GLYATL1B: variants seen among roughly 807,000 people sequenced by gnomAD.
The protein encoded by GLYATL1B is glycine-N-acyltransferase like 1B, also known as putative glycine N-acyltransferase-like protein 1B.
In GLYATL1B, 6 loss-of-function variants were observed where a neutral mutation model predicts 5.5. The observed-to-expected ratio is 1.09, with a 90% CI of 0.60 to 2.15. The LOEUF (loss-of-function observed/expected upper bound fraction) is 2.15. GLYATL1B is among the 30% of genes most tolerant of loss of function. The probability of loss-of-function intolerance (pLI) is 0.00; values close to 1 mark genes in which losing one functional copy is unlikely to be tolerated. For missense variants in GLYATL1B, 135 were observed against 94.1 expected (o/e 1.43, Z -1.80); for synonymous variants, 67 against 34.9 (o/e 1.92, Z -3.24).
chr11:59,089,430 C>T (rs2849744), intron 2 of GLYATL1B, among the ~76,000 whole-genome samples: 8 of 152,204 alleles, frequency 5.3e-5, no homozygotes, highest in African/African-American at 7.2e-5. Context: ...CCAGACTACC[C>T]TCCCAAAGGA....
Position 59,094,626 on chromosome 11 carries a change from G to T in GLYATL1B, c.749G>T (p.Arg250Leu), listed in dbSNP as rs909104476. 1.4e-5 allele frequency: 6 copies of T among 436,432 alleles called. No homozygotes were observed. The highest frequency in any genetic ancestry group is 1.2e-4 in the African/African-American group (6 of 49,314). The allele number at this position is 436,432 out of a possible 1,614,324, so 27.0% of individuals were successfully genotyped here. The change falls in exon 5 of 5, where the codon CGA becomes CTA. Residue 250 changes from arginine to leucine, a missense_variant. Physicochemically the swap from Arg to Leu is moderately radical, Grantham distance 102 (BLOSUM62 -2). Transcript: ENST00000527482. ...RRGNGTRLIM[R>L]CMKYLCQKNI... ...GGCAATGGGACACGGCTGATCATGC[G>T]ATGCATGAAGTATCTGTGTCAGAAG... is the stretch of plus-strand genomic sequence containing the variant.
intron 1 of GLYATL1B, among the ~76,000 whole-genome samples, chr11:59,086,839 T>C (rs1859202849): frequency 6.6e-6 from 1 of 152,222 alleles, no homozygotes; most frequent in Admixed American, 6.5e-5. Flanking sequence ...GCCCAGCTAC[T>C]GCACAGTAGC....
At chr11:59,089,060 T>C (rs1159810051) in intron 2 of GLYATL1B, among the ~76,000 whole-genome samples, 1 of 152,184 alleles carries the variant, frequency 6.6e-6, no homozygotes, top group Non-Finnish European at 1.5e-5. Context: ...TTCCTACCCT[T>C]TGGGGTAATC....
Position 59,087,123 on chromosome 11 carries a change from G to A in GLYATL1B, c.138G>A (p.Val46=), listed in dbSNP as rs2135380988. The change falls in exon 2 of 5, where the codon GTG becomes GTA. Residue 46 remains valine (V), a synonymous_variant. Transcript: ENST00000527482. ...ACCCCTTCAACATGGAAGTGTTGGT[G>A]GACTCCTGGCCCGAGTATCAGATGG... The part of the protein sequence containing the change: ...HGNPFNMEVL[V]DSWPEYQMVI... 2 of 676,228 alleles carry A rather than the reference G, an allele frequency of 3.0e-6. No individual in the cohort carries two copies. Among genetic ancestry groups the A allele is most frequent in the Non-Finnish European group, 5.4e-6 (2 of 368,858 alleles). 41.9% of individuals were successfully genotyped at this position (676,228 alleles called of 1,614,324 possible). A position where few individuals can be genotyped will look rare whatever the true frequency, so the allele number is the denominator to read the frequency against.
intron 2 of GLYATL1B, 76 bp downstream of exon 2, chr11:59,087,247 G>C (rs1431154108): frequency 2.2e-6 from 1 of 458,848 alleles, no homozygotes; most frequent in African/African-American, 2.0e-5. Context: ...CAGACACCAT[G>C]GCTGCTTTTA....
intron 2 of GLYATL1B, among the ~76,000 whole-genome samples, chr11:59,090,367 G>C (rs1313383294): frequency 6.6e-6 from 1 of 151,802 alleles, no homozygotes; most frequent in East Asian, 1.9e-4. Flanking sequence ...TTAGACAATT[G>C]TGGAAGCATT....
intron 2 of GLYATL1B, among the ~76,000 whole-genome samples, chr11:59,089,028 C>T (rs1859251873): frequency 6.6e-6 from 1 of 152,138 alleles, no homozygotes; most frequent in South Asian, 2.1e-4. Flanking sequence ...AACCTCTCAC[C>T]TCTTTGCCCT....
chr11:59,094,101 G>A lies in GLYATL1B; in HGVS notation c.481G>A (p.Glu161Lys), dbSNP rs561574802. The change falls in exon 4 of 5, where the codon GAA (glutamate) becomes AAA (lysine). Residue 161 changes from glutamate (E) to lysine (K), a missense_variant. Transcript: ENST00000527482. ...GGCTGAGACAGGCCACCCAGATGACGAATTGGAGAGGTACAAAAAACATGT... is the reference window on the plus strand; with the variant it reads ...GGCTGAGACAGGCCACCCAGATGACAAATTGGAGAGGTACAAAAAACATGT... Reference protein sequence around the residue: ...SWAETGHPDDELESETPNFKY... With the variant: ...SWAETGHPDDKLESETPNFKY... The A allele has an allele frequency of 5.1e-5, 32 of 624,440 alleles. No individual in the cohort carries two copies. Among genetic ancestry groups the A allele is most frequent in the Admixed American group, 2.7e-4 (10 of 37,558 alleles). The allele number at this position is 624,440 out of a possible 1,614,324, so 38.7% of individuals were successfully genotyped here. A position where few individuals can be genotyped will look rare whatever the true frequency, so the allele number is the denominator to read the frequency against.
At chr11:59,087,388 G>A (rs900339905) in intron 2 of GLYATL1B, among the ~76,000 whole-genome samples, 6 of 152,062 alleles carry the variant, frequency 3.9e-5, no homozygotes, top group African/African-American at 1.4e-4. Context: ...GGGGGAAGGG[G>A]AGGAAAAGGA....
rs1216301682 is a variant in GLYATL1B, at chr11:59,094,485, G to C, written c.608G>C (p.Gly203Ala). 7.9e-6 allele frequency: 6 copies of C among 761,320 alleles called. No individual in the cohort carries two copies. The East Asian group carries it at 1.6e-4, about 20-fold the overall frequency. The allele number at this position is 761,320 out of a possible 1,614,324, so 47.2% of individuals were successfully genotyped here. ...CTGCGTTACATCAAGCGCTGCCTAG[G>C]AGCCCTGCCAGCAGCCTGTATGCTG... ...RSLRYIKRCL[G>A]ALPAACMLGP... The change falls in exon 5 of 5, where the codon GGA becomes GCA. Residue 203 changes from glycine (G) to alanine (A), a missense_variant. By Grantham distance (60) the Gly-to-Ala change is moderately conservative (BLOSUM62 0). Transcript: ENST00000527482.
At chr11:59,088,111 A>G (rs924290464) in intron 2 of GLYATL1B, among the ~76,000 whole-genome samples, 1 of 152,174 alleles carries the variant, frequency 6.6e-6, no homozygotes, top group Non-Finnish European at 1.5e-5. Context: ...CTATATAACC[A>G]TAGGCCCTTC....
intron 2 of GLYATL1B, among the ~76,000 whole-genome samples, chr11:59,088,476 A>T (rs1027553512): frequency 6.6e-6 from 1 of 152,102 alleles, no homozygotes; most frequent in Non-Finnish European, 1.5e-5. Flanking sequence ...TTCCCCAGGG[A>T]TGTTCTTTTG....
intron 2 of GLYATL1B, among the ~76,000 whole-genome samples, chr11:59,088,545 TGG>T (rs1357535728): frequency 6.6e-6 from 1 of 152,230 alleles, no homozygotes; most frequent in Admixed American, 6.5e-5. Flanking sequence ...ACTTGATCCA[TGG>T]TCCAATTTCT....
Position 59,086,393 on chromosome 11 carries a change from A to G in GLYATL1B, c.78+9A>G. 1 of 398,758 alleles carries G rather than the reference A, an allele frequency of 2.5e-6. No individual in the cohort carries two copies. The highest frequency in any genetic ancestry group is 3.6e-5 in the East Asian group (1 of 28,076). 24.7% of individuals were successfully genotyped at this position (398,758 alleles called of 1,614,324 possible). A position where few individuals can be genotyped will look rare whatever the true frequency, so the allele number is the denominator to read the frequency against. On this transcript the variant is annotated intron_variant, in intron 1 of 4. Transcript: ENST00000527482. ...TTCCTGAGTCCCTGAAGGTGAAGGAACAGTGGGAGGTTGGGGTATGGGAGT... is the reference window on the plus strand; with the variant it reads ...TTCCTGAGTCCCTGAAGGTGAAGGAGCAGTGGGAGGTTGGGGTATGGGAGT...
intron 2 of GLYATL1B, among the ~76,000 whole-genome samples, chr11:59,092,222 T>C (rs1859329706): frequency 6.6e-6 from 1 of 151,768 alleles, no homozygotes; most frequent in Non-Finnish European, 1.5e-5. Flanking sequence ...CAGAAGTTTA[T>C]CTCTCTCTCT....
intron 2 of GLYATL1B, among the ~76,000 whole-genome samples, chr11:59,088,112 T>C (rs934877767): frequency 6.6e-6 from 1 of 152,284 alleles, no homozygotes; most frequent in Non-Finnish European, 1.5e-5. Context: ...TATATAACCA[T>C]AGGCCCTTCT....
intron 2 of GLYATL1B, among the ~76,000 whole-genome samples, chr11:59,093,279 T>C (rs1859357843): frequency 6.6e-6 from 1 of 152,216 alleles, no homozygotes; most frequent in Non-Finnish European, 1.5e-5. Context: ...CCTGTCTTTG[T>C]TATGTATCTG....
At chr11:59,087,497 G>A (rs574930352) in intron 2 of GLYATL1B, among the ~76,000 whole-genome samples, 6 of 152,174 alleles carry the variant, frequency 3.9e-5, no homozygotes, top group African/African-American at 1.4e-4. Context: ...GGCTGTCTGA[G>A]ATATTGGAAC....
chr11:59,089,792 A>G (rs1401379794), intron 2 of GLYATL1B, among the ~76,000 whole-genome samples: 2 of 152,092 alleles, frequency 1.3e-5, no homozygotes, highest in East Asian at 3.9e-4. Context: ...AATTTGATAG[A>G]TTTTCACATG....
Sources: allele counts gnomAD v4.1 joint callset (sites outside exome capture counted in the v4.1 genomes callset), GRCh38; gene constraint gnomAD v4.1.1; transcripts MANE v1.5; gene names NCBI Gene and HGNC (gene_info 2026-07-23, HGNC 2026-07-21).